The following RASSF4 variants were observed in gnomAD, a reference collection of about 807,000 sequenced individuals.
RASSF4 encodes the protein ras association domain-containing protein 4.
A neutral mutation model predicts 41.1 loss-of-function variants in RASSF4; 38 were observed. That is an observed-to-expected ratio of 0.92 (90% CI 0.71 to 1.21). The LOEUF (loss-of-function observed/expected upper bound fraction) is 1.21. Among genes scored for constraint, RASSF4 ranks in the 50% most tolerant of loss-of-function variants. RASSF4 has a pLI of 0.00. For synonymous variants in RASSF4, 179 were observed against 163.4 expected (o/e 1.10, Z -0.73); for missense variants, 414 against 419.4 (o/e 0.99, Z 0.11).
chr10:44,978,841 C>A (rs1372296765), intron 3 of RASSF4: 1 of 152,268 alleles, frequency 6.6e-6, no homozygotes, highest in Non-Finnish European at 1.5e-5. Context: ...TGCTTTTATA[C>A]CTTCCCAGCA....
intron 1 of RASSF4, among the ~76,000 whole-genome samples, chr10:44,963,950 G>A (rs956751670): frequency 7.9e-5 from 12 of 152,344 alleles, no homozygotes; most frequent in Non-Finnish European, 1.5e-5. Context: ...ACTCAATTTC[G>A]TGTCACGAAA....
intron 1 of RASSF4, among the ~76,000 whole-genome samples, chr10:44,962,253 T>C (rs1022898571): frequency 6.6e-6 from 1 of 152,242 alleles, no homozygotes; most frequent in African/African-American, 2.4e-5. Context: ...CTCCTCTTTC[T>C]TGCTGTGACA....
chr10:44,989,403 C>T lies in RASSF4; in HGVS notation c.633+28C>T, dbSNP rs557568648. ...AAGCCTGGTCAGGAGCAGCCTTGCC[C>T]CAGGATGCCAGTGGTCTGCTATTCT... On this transcript the variant is annotated intron_variant, in intron 7 of 10. Coordinates refer to ENST00000340258, the MANE Select transcript of RASSF4 (RefSeq NM_032023.4). 14 of 1,473,228 alleles carry T rather than the reference C, an allele frequency of 9.5e-6. No individual in the cohort carries two copies. In the African/African-American group the frequency reaches 1.8e-4, roughly 19 times the overall value. 91.3% of individuals were successfully genotyped at this position (1,473,228 alleles called of 1,614,324 possible).
At chr10:44,977,256 G>A in intron 3 of RASSF4, 2 of 1,185,208 alleles carry the variant, frequency 1.7e-6, no homozygotes, top group Non-Finnish European at 2.4e-6. Context: ...GTCTCACTGT[G>A]AACTGCCCAA....
At chr10:44,980,816 C>G (rs979937546) in intron 3 of RASSF4, 1 of 152,196 alleles carries the variant, frequency 6.6e-6, no homozygotes, top group African/African-American at 2.4e-5. Context: ...GAGAGGCACC[C>G]GAGACCAAGA....
intron 1 of RASSF4, among the ~76,000 whole-genome samples, chr10:44,960,546 C>T (rs771805251): frequency 2.6e-5 from 4 of 152,222 alleles, no homozygotes; most frequent in Non-Finnish European, 5.9e-5. Flanking sequence ...CTCTTCTGGG[C>T]TCCTGACTCC....
intron 3 of RASSF4, chr10:44,978,200 A>G: frequency 4.8e-6 from 3 of 630,094 alleles, no homozygotes; most frequent in Non-Finnish European, 7.8e-6. Flanking sequence ...CAGAGCTCCG[A>G]CTGCTGGGAT....
intron 3 of RASSF4, chr10:44,981,274 C>A (rs56177724): frequency 1.3e-5 from 2 of 152,146 alleles, no homozygotes; most frequent in South Asian, 4.2e-4. Flanking sequence ...CTAAAATAGG[C>A]TCATAGAGGC....
intron 3 of RASSF4, chr10:44,977,705 A>G (rs766621045): frequency 8.1e-6 from 13 of 1,612,602 alleles, no homozygotes; most frequent in South Asian, 6.6e-5. Flanking sequence ...GGACTCCCCA[A>G]AAAGCCAGTC....
chr10:44,989,856 C>T, intron 8 of RASSF4, 135 bp downstream of exon 8: 1 of 756,128 alleles, frequency 1.3e-6, no homozygotes. Context: ...GGCTAGGGCA[C>T]ACTGTGCCTC....
At chr10:44,989,146 C>A in intron 6 of RASSF4, 128 bp from the exon 7 acceptor site, 2 of 625,502 alleles carry the variant, frequency 3.2e-6, no homozygotes, top group Non-Finnish European at 5.8e-6. Context: ...TGTGCATCAG[C>A]GTGAATGGAC....
At chr10:44,972,500 T>C (rs883735) in intron 3 of RASSF4, among the ~76,000 whole-genome samples, 1 of 152,082 alleles carries the variant, frequency 6.6e-6, no homozygotes. Flanking sequence ...TCATGAGGAA[T>C]TTCCCAAATC....
Position 44,970,170 on chromosome 10 carries a change from A to T in RASSF4, c.-33A>T, listed in dbSNP as rs543432436. 1,253 of 1,600,140 alleles carry T rather than the reference A, an allele frequency of 7.8e-4. 18 individuals carry two copies. In the South Asian group the frequency reaches 0.013, roughly 17 times the overall value. ...ACCCTTCCTTGTCTTCCCAGCAAGTAACTTCTAGGTCTGCAGACAAGAGGA... is the reference window on the plus strand; with the variant it reads ...ACCCTTCCTTGTCTTCCCAGCAAGTTACTTCTAGGTCTGCAGACAAGAGGA... On this transcript the variant is annotated 5_prime_UTR_variant, in exon 2 of 11. The change abolishes the stop of an existing upstream ORF in the 5' untranslated region. Transcript: ENST00000340258.
At chr10:44,965,143 T>C (rs1840855024) in intron 1 of RASSF4, among the ~76,000 whole-genome samples, 2 of 152,222 alleles carry the variant, frequency 1.3e-5, no homozygotes, top group Admixed American at 6.5e-5. Flanking sequence ...CATGGGAGCC[T>C]TCAGAATGAT....
intron 2 of RASSF4, chr10:44,970,574 G>T: frequency 3.1e-6 from 1 of 324,242 alleles, no homozygotes; most frequent in Non-Finnish European, 5.6e-6. Flanking sequence ...TAGTAATTTA[G>T]ATATATTGAG....
At position 44,984,813 on chromosome 10, in the gene RASSF4, G is replaced by A. The variant is rs556556302; in HGVS notation, c.374G>A (p.Gly125Glu). 36 of 1,613,296 alleles carry A rather than the reference G, an allele frequency of 2.2e-5. No individual in the cohort carries two copies. In the East Asian group the frequency reaches 4.5e-4, roughly 20 times the overall value. ...HKAESSTDSSGPLEEAEEAPQ... is the reference protein window; with the variant it reads ...HKAESSTDSSEPLEEAEEAPQ... ...ATTCTCTCACCCATTTCTCATGCAG[G>A]GCCCCTGGAGGAGGCAGAGGAGGCC... The change falls in exon 6 of 11, where the codon GGG (glycine) becomes GAG (glutamate). Residue 125 changes from glycine to glutamate, a missense_variant and splice_region_variant. By Grantham distance (98) the Gly-to-Glu change is moderately conservative. Transcript: ENST00000340258.
intron 3 of RASSF4, chr10:44,978,895 A>C (rs1841579173): frequency 1.3e-5 from 2 of 152,280 alleles, no homozygotes; most frequent in African/African-American, 4.8e-5. Context: ...CCTGCTCGGA[A>C]GGCTGTCTTA....
rs141353468 is a variant in RASSF4, at chr10:44,984,862, C to T, written c.423C>T (p.Ser141=). ...CCCCCCAGCTGATGCGGACCAAGAG[C>T]GACGCCAGTTGCATGAGCCAGAGGA... The part of the protein sequence containing the change: ...EEAPQLMRTK[S]DASCMSQRRP... Residue 141 remains serine (S), a synonymous_variant, in exon 6 of 11, where the codon AGC becomes AGT. Coordinates refer to ENST00000340258, the MANE Select transcript of RASSF4 (RefSeq NM_032023.4). 5.0e-6 allele frequency: 8 copies of T among 1,613,708 alleles called. No individual in the cohort carries two copies. In the Admixed American group the frequency reaches 5.0e-5, roughly 10 times the overall value.
chr10:44,987,816 C>T (rs1841976142), intron 6 of RASSF4, among the ~76,000 whole-genome samples: 1 of 152,004 alleles, frequency 6.6e-6, no homozygotes, highest in Non-Finnish European at 1.5e-5. Context: ...TACTGTCTCA[C>T]CCTTAAGAAA....
Sources: allele counts gnomAD v4.1 joint callset (sites outside exome capture counted in the v4.1 genomes callset), GRCh38; gene constraint gnomAD v4.1.1; transcripts MANE v1.5; gene names NCBI Gene and HGNC (gene_info 2026-07-23, HGNC 2026-07-21).